The following CAST variants were observed in gnomAD, a reference collection of about 807,000 sequenced individuals.
CAST encodes calpastatin, also known as MIR583 host.
In CAST, 76 loss-of-function variants were observed where a neutral mutation model predicts 119.6. The ratio of observed to expected loss-of-function variants is 0.64; its 90% confidence interval spans 0.53 to 0.77. The LOEUF (loss-of-function observed/expected upper bound fraction) is 0.77. Ranked by LOEUF, CAST falls within the 30% of genes least tolerant of loss-of-function variation. The pLI is 0.00. For missense variants in CAST, 953 were observed against 946.5 expected (o/e 1.01, Z -0.09); for synonymous variants, 319 against 331.6 (o/e 0.96, Z 0.41).
chr5:96,169,882 G>A, the CAST span, among the ~76,000 whole-genome samples: 5 of 152,164 alleles, frequency 3.3e-5, no homozygotes, highest in Non-Finnish European at 7.3e-5. Flanking sequence ...CTGGGCAGGT[G>A]GGGATAATTA....
intron 3 of CAST, among the ~76,000 whole-genome samples, chr5:96,696,686 T>TAAAAAAAAGAAAAAAA (rs1753329817): frequency 1.0e-5 from 1 of 97,202 alleles, no homozygotes; most frequent in East Asian, 2.9e-4. Flanking sequence ...CTTTCTCTCC[T>TAAAAAAAAGAAAAAAA]AAAAAAAAAA....
the CAST span, among the ~76,000 whole-genome samples, chr5:96,341,904 G>A: frequency 1.3e-5 from 2 of 152,116 alleles, no homozygotes; most frequent in Non-Finnish European, 2.9e-5. Flanking sequence ...CTCACAATAT[G>A]ATTTCGTGGA....
chr5:96,069,377 G>GTA, the CAST span, among the ~76,000 whole-genome samples: 19 of 131,044 alleles, frequency 1.4e-4, no homozygotes, highest in Admixed American at 1.4e-3. Context: ...GTGTGTGTGT[G>GTA]TGTGTCTATG....
At chr5:96,613,561 G>C (rs1183213369) in intron 1 of CAST, among the ~76,000 whole-genome samples, 1 of 152,182 alleles carries the variant, frequency 6.6e-6, no homozygotes, top group African/African-American at 2.4e-5. Context: ...GTTATCAGTA[G>C]TCAGTGATGG....
chr5:96,741,473 C>T (rs746730837), intron 14 of CAST, 21 bp from the exon 15 acceptor site: 2 of 1,589,504 alleles, frequency 1.3e-6, no homozygotes. Context: ...TAAGTCTAAT[C>T]TTTTGTATTT....
the CAST span, among the ~76,000 whole-genome samples, chr5:96,355,773 C>T: frequency 6.6e-6 from 1 of 152,064 alleles, no homozygotes; most frequent in Non-Finnish European, 1.5e-5. Context: ...GTGATCTCAG[C>T]TCATTGCAAC....
chr5:96,488,623 C>T, the CAST span, among the ~76,000 whole-genome samples: 1 of 152,268 alleles, frequency 6.6e-6, no homozygotes, highest in African/African-American at 2.4e-5. Context: ...TGAATGGAGG[C>T]AGCAGATCCC....
the CAST span, among the ~76,000 whole-genome samples, chr5:96,281,213 G>A: frequency 1.1e-4 from 17 of 152,302 alleles, no homozygotes; most frequent in South Asian, 1.0e-3. Flanking sequence ...TGTTGCAAAT[G>A]ACAGAAACTC....
chr5:96,500,843 A>G, the CAST span, among the ~76,000 whole-genome samples: 6 of 152,222 alleles, frequency 3.9e-5, no homozygotes, highest in African/African-American at 1.4e-4. Context: ...GGTTGTGATA[A>G]TAGTCATGGA....
the CAST span, among the ~76,000 whole-genome samples, chr5:96,459,815 C>T: frequency 3.9e-5 from 6 of 152,170 alleles, no homozygotes; most frequent in Admixed American, 1.3e-4. Context: ...AGCACATTTT[C>T]GGATTTTACT....
the CAST span, among the ~76,000 whole-genome samples, chr5:96,359,089 A>G: frequency 2.0e-5 from 3 of 152,078 alleles, no homozygotes; most frequent in South Asian, 4.1e-4. Flanking sequence ...ACATTGTGTA[A>G]TGTTCTTCTT....
At chr5:96,532,222 C>T (rs192815972) in intron 1 of CAST, among the ~76,000 whole-genome samples, 1 of 152,058 alleles carries the variant, frequency 6.6e-6, no homozygotes, top group African/African-American at 2.4e-5. Context: ...AAGGATATTT[C>T]AAACAACTGG....
At chr5:96,118,479 T>C in the CAST span, among the ~76,000 whole-genome samples, 1 of 152,160 alleles carries the variant, frequency 6.6e-6, no homozygotes, top group Non-Finnish European at 1.5e-5. Context: ...AAGCTTCCAC[T>C]GTGCTGAGCA....
At chr5:96,470,852 C>G in the CAST span, among the ~76,000 whole-genome samples, 1 of 152,014 alleles carries the variant, frequency 6.6e-6, no homozygotes, top group African/African-American at 2.4e-5. Flanking sequence ...AAGGAAAGTA[C>G]ATAATAGTAC....
the CAST span, among the ~76,000 whole-genome samples, chr5:96,466,215 T>A: frequency 6.6e-6 from 1 of 152,246 alleles, no homozygotes; most frequent in South Asian, 2.1e-4. Context: ...TTTACAAAGT[T>A]ACTTAGCTTT....
chr5:96,492,217 T>C, the CAST span, among the ~76,000 whole-genome samples: 1 of 152,262 alleles, frequency 6.6e-6, no homozygotes, highest in Non-Finnish European at 1.5e-5. Flanking sequence ...TTACCCTCGT[T>C]TGAGGGAGGC....
chr5:96,274,157 A>G, the CAST span, among the ~76,000 whole-genome samples: 1 of 150,874 alleles, frequency 6.6e-6, no homozygotes. Flanking sequence ...GTTGGAGTGC[A>G]GTGGCGTGAT....
intron 1 of CAST, among the ~76,000 whole-genome samples, chr5:96,568,436 G>C (rs556496610): frequency 6.6e-6 from 1 of 151,918 alleles, no homozygotes; most frequent in Non-Finnish European, 1.5e-5. Context: ...ATAGCAGGGG[G>C]TGCCTGTAAT....
the CAST span, among the ~76,000 whole-genome samples, chr5:96,294,397 T>G: frequency 6.6e-6 from 1 of 152,248 alleles, no homozygotes; most frequent in African/African-American, 2.4e-5. Context: ...TTTCCTGGAA[T>G]CCTATGAACC....
Sources: gnomAD v4.1 joint callset for allele counts (sites outside exome capture counted in the v4.1 genomes callset) on GRCh38, gnomAD v4.1.1 for gene constraint, MANE v1.5 for transcripts, NCBI Gene and HGNC (gene_info 2026-07-23, HGNC 2026-07-21) for gene names.